The following DGKB variants were observed in gnomAD, a reference collection of about 807,000 sequenced individuals.
DGKB encodes the protein diacylglycerol kinase beta.
Under a neutral mutation model 114.3 loss-of-function variants are expected in DGKB, and 67 were observed. The ratio of observed to expected loss-of-function variants is 0.59; its 90% confidence interval spans 0.48 to 0.72. DGKB has a LOEUF of 0.72. Ranked by LOEUF, DGKB falls within the 30% of genes least tolerant of loss-of-function variation. The pLI is 0.00. For missense variants in DGKB, 907 were observed against 975.2 expected (o/e 0.93, Z 0.93); for synonymous variants, 398 against 323.1 (o/e 1.23, Z -2.49).
intron 23 of DGKB, among the ~76,000 whole-genome samples, chr7:14,307,857 T>C (rs1319044832): frequency 6.6e-6 from 1 of 152,138 alleles, no homozygotes; most frequent in Non-Finnish European, 1.5e-5. Flanking sequence ...TATTCCCACA[T>C]TGACTCCCTT....
chr7:14,751,015 G>T (rs1264043997), intron 4 of DGKB, among the ~76,000 whole-genome samples: 4 of 151,652 alleles, frequency 2.6e-5, no homozygotes, highest in Non-Finnish European at 5.9e-5. Flanking sequence ...TGTTGGCCAG[G>T]CTGGCAGGCT....
chr7:14,605,388 A>G (rs1022808355), intron 17 of DGKB, among the ~76,000 whole-genome samples: 10 of 147,102 alleles, frequency 6.8e-5, no homozygotes, highest in African/African-American at 1.5e-4. Flanking sequence ...ACACCTATAT[A>G]TGTGTGTGTG....
At chr7:14,301,638 T>C (rs1166871348) in intron 23 of DGKB, among the ~76,000 whole-genome samples, 3 of 152,182 alleles carry the variant, frequency 2.0e-5, no homozygotes, top group Non-Finnish European at 2.9e-5. Flanking sequence ...TGCTGCTGTA[T>C]ACATATACAT....
chr7:14,252,916 C>T (rs931318006), intron 23 of DGKB, among the ~76,000 whole-genome samples: 32 of 152,208 alleles, frequency 2.1e-4, no homozygotes, highest in Non-Finnish European at 4.0e-4. Context: ...AATGTTCTTT[C>T]TGCCCTCTTT....
At chr7:14,447,617 T>A (rs1830904570) in intron 21 of DGKB, among the ~76,000 whole-genome samples, 1 of 152,112 alleles carries the variant, frequency 6.6e-6, no homozygotes, top group South Asian at 2.1e-4. Flanking sequence ...GTTTTATCAT[T>A]TTTTAAATTT....
intron 20 of DGKB, among the ~76,000 whole-genome samples, chr7:14,490,091 A>T (rs956994567): frequency 6.6e-5 from 10 of 152,158 alleles, no homozygotes; most frequent in African/African-American, 2.4e-4. Flanking sequence ...TATAGTTTTT[A>T]ATCCCATTTA....
At chr7:14,226,880 T>G (rs1790885777) in intron 23 of DGKB, among the ~76,000 whole-genome samples, 1 of 152,086 alleles carries the variant, frequency 6.6e-6, no homozygotes, top group Non-Finnish European at 1.5e-5. Context: ...AAGCTAGTAG[T>G]TTACAAGTCA....
intron 5 of DGKB, 179 bp from the exon 6 acceptor site, chr7:14,718,864 A>G (rs1828679789): frequency 1.9e-6 from 1 of 522,766 alleles, no homozygotes; most frequent in Admixed American, 3.6e-5. Flanking sequence ...ACTGTTGTAG[A>G]TGAAGGAGAG....
chr7:14,570,355 TTC>T (rs1310481469), intron 20 of DGKB, among the ~76,000 whole-genome samples: 2 of 152,006 alleles, frequency 1.3e-5, no homozygotes, highest in Non-Finnish European at 2.9e-5. Context: ...TTTGTATCAT[TTC>T]TCTTTTTCAA....
intron 22 of DGKB, among the ~76,000 whole-genome samples, chr7:14,345,088 C>G (rs1055233569): frequency 2.0e-5 from 3 of 150,330 alleles, no homozygotes; most frequent in African/African-American, 7.3e-5. Context: ...TTCTTTTATA[C>G]TATAATAAAA....
intron 23 of DGKB, among the ~76,000 whole-genome samples, chr7:14,249,377 C>CCTT (rs376904481): frequency 3.9e-5 from 6 of 151,986 alleles, no homozygotes; most frequent in African/African-American, 1.2e-4. Flanking sequence ...GGGAGGTATT[C>CCTT]CTTCTTCTTC....
rs77328199 is a variant in DGKB, at chr7:14,521,908, T to A, written c.1771-43683A>T. On this transcript the variant is annotated intron_variant, in intron 20 of 25. Transcript: ENST00000402815. Reference sequence around the variant, plus strand: ...TACTTTCTCTTCTTAAGATGTATATTTTTTTTGGCTTGTTATTTATTTTGT... The same window carrying A: ...TACTTTCTCTTCTTAAGATGTATATATTTTTTGGCTTGTTATTTATTTTGT... Among the ~76,000 whole-genome samples, 830 of 152,192 alleles carry A rather than the reference T, an allele frequency of 5.5e-3. 5 individuals carry two copies. The highest frequency in any genetic ancestry group is 0.017 in the Middle Eastern group (5 of 294).
chr7:14,439,775 A>G (rs1231762260), intron 21 of DGKB, among the ~76,000 whole-genome samples: 2 of 151,172 alleles, frequency 1.3e-5, no homozygotes, highest in African/African-American at 2.4e-5. Flanking sequence ...GAGGCAGGAG[A>G]ATTGCTTGAG....
intron 8 of DGKB, among the ~76,000 whole-genome samples, chr7:14,695,721 T>C (rs1426502864): frequency 6.6e-6 from 1 of 151,708 alleles, no homozygotes; most frequent in Non-Finnish European, 1.5e-5. Flanking sequence ...GTTAGCCAGG[T>C]TGGCCTCAAT....
chr7:14,852,487 C>CAAAAAAAAACAAACAAAACA (rs1554304221), intron 1 of DGKB, among the ~76,000 whole-genome samples: 2 of 63,636 alleles, frequency 3.1e-5, no homozygotes, highest in Admixed American at 3.2e-4. Context: ...TAGTGAAAGT[C>CAAAAAAAAACAAACAAAACA]AAAAAAAAAA....
chr7:14,260,224 C>A (rs554485360), intron 23 of DGKB, among the ~76,000 whole-genome samples: 2 of 152,140 alleles, frequency 1.3e-5, no homozygotes, highest in South Asian at 4.1e-4. Flanking sequence ...GAGGTGCCAA[C>A]AGATGGTTTA....
intron 5 of DGKB, among the ~76,000 whole-genome samples, chr7:14,719,403 ATATG>A (rs1446929706): frequency 6.6e-6 from 1 of 152,162 alleles, no homozygotes; most frequent in African/African-American, 2.4e-5. Context: ...TCTAACCGAA[ATATG>A]TTCACAGTAA....
intron 1 of DGKB, among the ~76,000 whole-genome samples, chr7:14,895,894 C>A (rs1304798684): frequency 1.3e-5 from 2 of 151,686 alleles, no homozygotes; most frequent in Non-Finnish European, 3.0e-5. Flanking sequence ...CAAACAGATT[C>A]ATTGGTCAAG....
intron 17 of DGKB, among the ~76,000 whole-genome samples, chr7:14,598,426 C>A (rs1464525141): frequency 6.6e-6 from 1 of 152,180 alleles, no homozygotes; most frequent in Non-Finnish European, 1.5e-5. Context: ...GGACTTTCTG[C>A]ATACTAAATG....
Sources: gnomAD v4.1 joint callset for allele counts (sites outside exome capture counted in the v4.1 genomes callset) on GRCh38, gnomAD v4.1.1 for gene constraint, MANE v1.5 for transcripts, NCBI Gene and HGNC (gene_info 2026-07-23, HGNC 2026-07-21) for gene names.